Variants in STPG2 observed in about 807,000 individuals in gnomAD.
The protein encoded by STPG2 is sperm tail PG-rich repeat containing 2.
In STPG2, 56 loss-of-function variants were observed where a neutral mutation model predicts 54.2. That is an observed-to-expected ratio of 1.03 (90% CI 0.83 to 1.29). The LOEUF is 1.29. Ranked by LOEUF, STPG2 falls within the 50% of genes most tolerant of loss-of-function variation. STPG2 has a pLI of 0.00. For synonymous variants in STPG2, 200 were observed against 181.8 expected (o/e 1.10, Z -0.81); for missense variants, 596 against 544.9 (o/e 1.09, Z -0.93).
intron 10 of STPG2, among the ~76,000 whole-genome samples, chr4:97,566,794 A>T (rs1242609536): frequency 6.6e-6 from 1 of 151,158 alleles, no homozygotes; most frequent in Non-Finnish European, 1.5e-5. Context: ...AAGAAACCAA[A>T]CACTGCATAT....
chr4:98,098,673 A>T (rs986979335), intron 5 of STPG2, among the ~76,000 whole-genome samples: 14 of 152,300 alleles, frequency 9.2e-5, no homozygotes, highest in African/African-American at 2.9e-4. Flanking sequence ...AACAATCAAC[A>T]AAGTGAAGAG....
chr4:98,119,757 G>A (rs901579664), intron 3 of STPG2, among the ~76,000 whole-genome samples: 4 of 151,440 alleles, frequency 2.6e-5, no homozygotes, highest in African/African-American at 4.9e-5. Flanking sequence ...TACCCCCAAT[G>A]GGCCCCAGTG....
intron 10 of STPG2, among the ~76,000 whole-genome samples, chr4:97,618,459 T>C (rs1338234452): frequency 6.6e-6 from 1 of 152,130 alleles, no homozygotes; most frequent in Non-Finnish European, 1.5e-5. Flanking sequence ...CCACAAAACA[T>C]TTGAGTTGTT....
intron 5 of STPG2, among the ~76,000 whole-genome samples, chr4:98,014,093 C>G (rs138402517): frequency 5.8e-4 from 88 of 152,096 alleles, no homozygotes; most frequent in Middle Eastern, 3.4e-3. Context: ...TCTATCTTTC[C>G]CTTGTGGGCA....
intron 10 of STPG2, among the ~76,000 whole-genome samples, chr4:97,575,876 T>C (rs1004247680): frequency 2.6e-5 from 4 of 152,118 alleles, no homozygotes; most frequent in African/African-American, 9.7e-5. Flanking sequence ...CTAATGGCTC[T>C]GCCAAAGAGC....
chr4:97,789,364 C>T (rs933279397), intron 9 of STPG2, among the ~76,000 whole-genome samples: 4 of 151,896 alleles, frequency 2.6e-5, no homozygotes, highest in African/African-American at 4.8e-5. Context: ...ATATAGCATT[C>T]GCAATATGCA....
intron 10 of STPG2, among the ~76,000 whole-genome samples, chr4:97,600,817 A>C (rs1733439133): frequency 6.6e-6 from 1 of 152,158 alleles, no homozygotes; most frequent in African/African-American, 2.4e-5. Flanking sequence ...AAAGAGTAAC[A>C]GAAAGTCAGT....
chr4:97,469,745 G>T (rs947301966), intron 4 of STPG2, among the ~76,000 whole-genome samples: 8 of 151,872 alleles, frequency 5.3e-5, no homozygotes, highest in Non-Finnish European at 2.9e-5. Flanking sequence ...AAAAAGGGAG[G>T]CTGAAGAAAT....
chr4:97,470,725 G>T (rs967328080), intron 4 of STPG2, among the ~76,000 whole-genome samples: 2 of 152,096 alleles, frequency 1.3e-5, no homozygotes, highest in African/African-American at 4.8e-5. Flanking sequence ...TTATTGTACT[G>T]TATGCACAAT....
At chr4:97,737,364 T>C (rs1272285917) in intron 9 of STPG2, among the ~76,000 whole-genome samples, 3 of 152,190 alleles carry the variant, frequency 2.0e-5, no homozygotes, top group African/African-American at 4.8e-5. Context: ...GGACGGAGAA[T>C]GACTTTGACG....
chr4:97,593,395 T>TGCTA (rs1294994370), intron 10 of STPG2, among the ~76,000 whole-genome samples: 1 of 152,206 alleles, frequency 6.6e-6, no homozygotes, highest in Non-Finnish European at 1.5e-5. Context: ...ATGACACTGA[T>TGCTA]GCTAGCATCC....
intron 8 of STPG2, among the ~76,000 whole-genome samples, chr4:97,913,766 GCATA>G (rs1731768930): frequency 6.6e-6 from 1 of 151,982 alleles, no homozygotes; most frequent in African/African-American, 2.4e-5. Context: ...ACTTTCTAGT[GCATA>G]CATAAACCCC....
At chr4:98,046,866 A>G (rs540162430) in intron 5 of STPG2, among the ~76,000 whole-genome samples, 1 of 152,166 alleles carries the variant, frequency 6.6e-6, no homozygotes, top group Non-Finnish European at 1.5e-5. Flanking sequence ...TCTTGGTTCT[A>G]TCTCTTGAGT....
At chr4:98,125,796 T>G (rs1739812502) in intron 3 of STPG2, among the ~76,000 whole-genome samples, 1 of 152,182 alleles carries the variant, frequency 6.6e-6, no homozygotes. Flanking sequence ...CTGCAGAGAT[T>G]GTGGCTGCCC....
chr4:97,659,402 A>G (rs886319854), intron 10 of STPG2, among the ~76,000 whole-genome samples: 1 of 149,708 alleles, frequency 6.7e-6, no homozygotes, highest in Non-Finnish European at 1.5e-5. Flanking sequence ...GTATCATTTC[A>G]TTTACAAAAA....
intron 7 of STPG2, among the ~76,000 whole-genome samples, chr4:97,965,292 G>C (rs1271311206): frequency 6.6e-6 from 1 of 152,188 alleles, no homozygotes; most frequent in Non-Finnish European, 1.5e-5. Flanking sequence ...AGGGGGAGGG[G>C]TGTCTGCCAT....
intron 8 of STPG2, among the ~76,000 whole-genome samples, chr4:97,883,698 T>C (rs1446438822): frequency 6.6e-6 from 1 of 152,058 alleles, no homozygotes; most frequent in Admixed American, 6.6e-5. Flanking sequence ...TAAAAATTAT[T>C]CCAAGTCAAT....
chr4:97,980,690 C>T (rs1205695758), intron 6 of STPG2, among the ~76,000 whole-genome samples: 1 of 151,964 alleles, frequency 6.6e-6, no homozygotes, highest in Non-Finnish European at 1.5e-5. Context: ...CAATAGATGC[C>T]CAGAACTGTA....
At position 97,778,282 on chromosome 4, in the gene STPG2, G is replaced by A. The variant is rs190497684; in HGVS notation, c.1204+62491C>T. On this transcript the variant is annotated intron_variant, in intron 9 of 10. Transcript: ENST00000295268. The stretch of plus-strand genomic sequence containing the variant: ...GGAGATTATATCCCATGCCTGGCTC[G>A]GAGGGTCCCATGCCTGGCTCGGAGG... 1.8e-3 allele frequency among the ~76,000 whole-genome samples: 267 copies of A among 151,922 alleles called. 2 individuals carry two copies. The highest frequency in any genetic ancestry group is 5.5e-3 in the African/African-American group (226 of 41,324).
Sources: gnomAD v4.1 joint callset for allele counts (sites outside exome capture counted in the v4.1 genomes callset) on GRCh38, gnomAD v4.1.1 for gene constraint, MANE v1.5 for transcripts, NCBI Gene and HGNC (gene_info 2026-07-23, HGNC 2026-07-21) for gene names.